Variants in HECW1 observed in about 807,000 individuals in gnomAD.
The protein encoded by HECW1 is HECT, C2 and WW domain containing E3 ubiquitin protein ligase 1.
Under a neutral mutation model 182.3 loss-of-function variants are expected in HECW1, and 61 were observed. That is an observed-to-expected ratio of 0.33 (90% confidence interval 0.27 to 0.41). HECW1 has a LOEUF of 0.41. Ranked by LOEUF, HECW1 falls within the 10% of genes least tolerant of loss-of-function variation. The pLI, the probability that HECW1 is intolerant of heterozygous loss-of-function variation, is 1.00. For missense variants in HECW1, 1,739 were observed against 2,108.9 expected (o/e 0.82, Z 3.44); for synonymous variants, 859 against 832.6 (o/e 1.03, Z -0.55).
intron 3 of HECW1, among the ~76,000 whole-genome samples, chr7:43,269,324 T>C (rs1802129829): frequency 1.3e-5 from 2 of 152,234 alleles, no homozygotes; most frequent in South Asian, 4.1e-4. Context: ...TATTCTGCTC[T>C]TTTTGTCTGC....
At chr7:43,430,785 A>C (rs1331811038) in intron 8 of HECW1, among the ~76,000 whole-genome samples, 1 of 148,268 alleles carries the variant, frequency 6.7e-6, no homozygotes, top group Non-Finnish European at 1.5e-5. Flanking sequence ...TTTCTTTATT[A>C]TTATTATTAT....
In HECW1 at chr7:43,541,890, G is replaced by A. The variant is rs1585243599; in HGVS notation, c.4140G>A (p.Leu1380=). 4.6e-6 allele frequency: 7 copies of A among 1,537,536 alleles called. No homozygotes were observed. The highest frequency in any genetic ancestry group is 6.1e-6 in the Non-Finnish European group (7 of 1,142,622). Residue 1380 remains leucine (L), a synonymous_variant, in exon 26 of 30, where the codon CTG becomes CTA. Coordinates refer to ENST00000395891, the MANE Select transcript of HECW1 (RefSeq NM_015052.5). The part of the protein sequence containing the change: ...LLRLPCDLSD[L]EYLDEEFHQS... ...CCAGGCCCTGTGATTTGAGTGACCT[G>A]GAATATTTGGATGAGGAATTCCACC...
chr7:43,178,675 G>A (rs1358931480), intron 2 of HECW1, among the ~76,000 whole-genome samples: 1 of 152,188 alleles, frequency 6.6e-6, no homozygotes, highest in East Asian at 1.9e-4. Flanking sequence ...ATTTAAAGGT[G>A]AGAAAGTGGA....
chr7:43,394,402 C>T (rs868188758), intron 6 of HECW1, among the ~76,000 whole-genome samples: 3 of 152,074 alleles, frequency 2.0e-5, no homozygotes, highest in Non-Finnish European at 4.4e-5. Context: ...TATTCTAGGT[C>T]CCATTGCTCC....
intron 2 of HECW1, among the ~76,000 whole-genome samples, chr7:43,233,205 T>TA (rs533420469): frequency 1.2e-3 from 180 of 152,172 alleles, no homozygotes; most frequent in African/African-American, 3.6e-3. Context: ...CAACAGTTAC[T>TA]AAAAAAAATC....
At chr7:43,341,924 A>G (rs779260732) in intron 5 of HECW1, among the ~76,000 whole-genome samples, 11 of 151,818 alleles carry the variant, frequency 7.2e-5, no homozygotes, top group Non-Finnish European at 1.5e-4. Flanking sequence ...CAAAAATATC[A>G]TGACTTTCAG....
chr7:43,429,872 G>C (rs553981695), intron 8 of HECW1, among the ~76,000 whole-genome samples: 54 of 152,334 alleles, frequency 3.5e-4, no homozygotes, highest in African/African-American at 1.2e-3. Context: ...CTGCAAGAGA[G>C]GAGAGGCAAA....
intron 4 of HECW1, among the ~76,000 whole-genome samples, chr7:43,313,246 A>T (rs1808761416): frequency 6.6e-6 from 1 of 152,214 alleles, no homozygotes. Flanking sequence ...CCAAAAGTTA[A>T]AATTCAATTT....
intron 21 of HECW1, among the ~76,000 whole-genome samples, chr7:43,502,992 G>A (rs546403199): frequency 2.6e-5 from 4 of 152,268 alleles, no homozygotes; most frequent in East Asian, 1.9e-4. Flanking sequence ...CAGTACTGCC[G>A]TAGGTCTCCA....
In HECW1 at chr7:43,378,514, G is replaced by A. The variant is rs577345071; in HGVS notation, c.555+17534G>A. Among the ~76,000 whole-genome samples the A allele has an allele frequency of 2.6e-5, 4 of 152,298 alleles. No homozygotes were observed. The East Asian group carries it at 7.7e-4, about 29-fold the overall frequency. ...CCAAATACGCATGGTTAAAACCCTTGGCACTTTCGGCCAGGCATGGTGGCT... is the reference window on the plus strand; with the variant it reads ...CCAAATACGCATGGTTAAAACCCTTAGCACTTTCGGCCAGGCATGGTGGCT... On this transcript the variant is annotated intron_variant, in intron 6 of 29. Coordinates refer to ENST00000395891, the MANE Select transcript of HECW1 (RefSeq NM_015052.5).
chr7:43,464,469 T>C (rs913790723), intron 14 of HECW1, among the ~76,000 whole-genome samples: 1 of 152,064 alleles, frequency 6.6e-6, no homozygotes, highest in African/African-American at 2.4e-5. Flanking sequence ...ACAAGGATAA[T>C]CAAAAGGCAT....
chr7:43,374,823 A>G (rs546701329), intron 6 of HECW1, among the ~76,000 whole-genome samples: 4 of 133,430 alleles, frequency 3.0e-5, no homozygotes, highest in South Asian at 2.5e-4. Flanking sequence ...ATAACCAGTG[A>G]AAAAAAGATG....
At position 43,468,946 on chromosome 7, in the gene HECW1, C is replaced by T. The variant is rs1373584899; in HGVS notation, c.2940C>T (p.Ser980=). 6.2e-7 allele frequency: 1 copy of T among 1,614,222 alleles called. No homozygotes were observed. Residue 980 remains serine, a synonymous_variant, in exon 16 of 30, where the codon AGC becomes AGT. Transcript: ENST00000395891. ...GTGCCTACCGAGTCTTCACCAGTAG[C>T]ACCTGCTTAAAGCACATGATTCTGA... The part of the protein sequence containing the change: ...NYSAYRVFTS[S]TCLKHMILKV...
intron 2 of HECW1, among the ~76,000 whole-genome samples, chr7:43,182,743 C>CA (rs1379349583): frequency 1.1e-5 from 1 of 87,946 alleles, no homozygotes; most frequent in Non-Finnish European, 2.6e-5. Flanking sequence ...ATCTGTAGAT[C>CA]ACTTTTGGTA....
chr7:43,245,735 C>T (rs1584150548), intron 3 of HECW1: 3 of 152,314 alleles, frequency 2.0e-5, no homozygotes, highest in African/African-American at 7.2e-5. Context: ...CTGATGCTGT[C>T]AAGGACTTAG....
rs758932457 is a variant in HECW1 at position 43,444,315 on chromosome 7, G to C, written c.1143G>C (p.Arg381=). The stretch of plus-strand genomic sequence containing the variant: ...TGGAAAGCGGCAGTGGGGAACCTCG[G>C]TCTGAGGCACCAGAGTCCTCTGAGA... ...NLMESGSGEP[R]SEAPESSESW... The change falls in exon 11 of 30, where the codon CGG becomes CGC. Residue 381 remains arginine (R), a synonymous_variant. Transcript: ENST00000395891. This position sits in a 1 kb window ranked among gnomAD's most constrained non-coding sequence, Gnocchi z 4.3. The C allele has an allele frequency of 6.2e-6, 10 of 1,614,088 alleles. No homozygotes were observed. In the South Asian group the frequency reaches 1.1e-4, roughly 18 times the overall value.
In HECW1 at chr7:43,221,705, C is replaced by A. The variant is rs1412127885; in HGVS notation, c.-31-22170C>A. On this transcript the variant is annotated intron_variant, in intron 2 of 29. Coordinates refer to ENST00000395891, the MANE Select transcript of HECW1 (RefSeq NM_015052.5). ...AGTAGCTGGGACTACAGGTGCCCACCACCACGCCCGGCTAATTTTTTGTAT... is the reference window on the plus strand; with the variant it reads ...AGTAGCTGGGACTACAGGTGCCCACAACCACGCCCGGCTAATTTTTTGTAT... Among the ~76,000 whole-genome samples, 4 of 151,622 alleles carry A rather than the reference C, an allele frequency of 2.6e-5. No individual in the cohort carries two copies. The East Asian group carries it at 7.8e-4, about 29-fold the overall frequency.
chr7:43,449,937 A>C (rs1174471093), intron 11 of HECW1, among the ~76,000 whole-genome samples: 1 of 152,202 alleles, frequency 6.6e-6, no homozygotes, highest in East Asian at 1.9e-4. Context: ...ACTTCAGAAC[A>C]TCGTTCAGTT....
chr7:43,237,867 C>T (rs982592857), intron 2 of HECW1, among the ~76,000 whole-genome samples: 7 of 151,394 alleles, frequency 4.6e-5, no homozygotes, highest in African/African-American at 9.7e-5. Flanking sequence ...CCTGCAAAAG[C>T]GCTGAGTAGG....
Sources: gnomAD v4.1 joint callset for allele counts (sites outside exome capture counted in the v4.1 genomes callset) on GRCh38, gnomAD v4.1.1 for gene constraint, Gnocchi (gnomAD v3.1) non-coding constraint, MANE v1.5 for transcripts, NCBI Gene and HGNC (gene_info 2026-07-23, HGNC 2026-07-21) for gene names.